Variants in STXBP5L observed in about 807,000 individuals in gnomAD.
STXBP5L encodes syntaxin binding protein 5L, also known as syntaxin-binding protein 5-like.
STXBP5L carries 65 observed loss-of-function variants against 144.5 expected under a neutral mutation model. That is an observed-to-expected ratio of 0.45 (90% CI 0.37 to 0.55). STXBP5L has a LOEUF of 0.55. Among genes scored for constraint, STXBP5L ranks in the 20% least tolerant of loss-of-function variants. STXBP5L has a pLI of 0.00. For missense variants in STXBP5L, 1,298 were observed against 1,405.5 expected, an observed-to-expected ratio of 0.92 and a Z score of 1.22; for synonymous variants, 505 against 469.6, an observed-to-expected ratio of 1.08 and a Z score of -0.97.
At chr3:121,174,990 G>T (rs569268171) in intron 9 of STXBP5L, among the ~76,000 whole-genome samples, 2 of 152,090 alleles carry the variant, frequency 1.3e-5, no homozygotes, top group Admixed American at 1.3e-4. Flanking sequence ...AGGAATATAT[G>T]CCAGGCCTGC....
chr3:121,185,401 G>A (rs945579461), intron 9 of STXBP5L, among the ~76,000 whole-genome samples: 24 of 152,094 alleles, frequency 1.6e-4, no homozygotes, highest in Admixed American at 1.0e-3. Context: ...GTATTGCCTA[G>A]GTTTTCTTCT....
chr3:121,095,984 T>C (rs1453796869), intron 5 of STXBP5L, among the ~76,000 whole-genome samples: 2 of 152,172 alleles, frequency 1.3e-5, no homozygotes, highest in African/African-American at 4.8e-5. Flanking sequence ...TCCTTTCTTT[T>C]TGTTAGTGTC....
At chr3:121,003,720 A>G (rs1014356064) in intron 3 of STXBP5L, among the ~76,000 whole-genome samples, 2 of 152,106 alleles carry the variant, frequency 1.3e-5, no homozygotes, top group Non-Finnish European at 1.5e-5. Context: ...ATCTTGAATT[A>G]ATTTTTGTAT....
In STXBP5L at chr3:120,994,586, A is replaced by G. The variant is rs575791138; in HGVS notation, c.287+39549A>G. Among the ~76,000 whole-genome samples, 6 of 152,186 alleles carry G rather than the reference A, an allele frequency of 3.9e-5. No homozygotes were observed. The East Asian group carries it at 1.2e-3, about 29-fold the overall frequency. Reference sequence around the variant, plus strand: ...CTTATTTTGTTGATGTATTTCATTTACTGCTTTGCAAATGTTGAAGTACCC... The same window carrying G: ...CTTATTTTGTTGATGTATTTCATTTGCTGCTTTGCAAATGTTGAAGTACCC... On this transcript the variant is annotated intron_variant, in intron 3 of 26. Coordinates refer to ENST00000471454, the MANE Select transcript of STXBP5L (RefSeq NM_001308330.2).
chr3:121,254,444 T>C (rs1338626094), intron 15 of STXBP5L, among the ~76,000 whole-genome samples: 2 of 152,178 alleles, frequency 1.3e-5, no homozygotes, highest in African/African-American at 4.8e-5. Flanking sequence ...TAAAAATTTG[T>C]TGAGAGTAGT....
chr3:121,158,376 G>A (rs998539747), intron 9 of STXBP5L: 3 of 152,116 alleles, frequency 2.0e-5, no homozygotes, highest in Admixed American at 6.5e-5. Context: ...GTTTCTGAGC[G>A]TTCGTTATCA....
intron 9 of STXBP5L, among the ~76,000 whole-genome samples, chr3:121,180,845 C>A (rs746615783): frequency 1.3e-5 from 2 of 151,720 alleles, no homozygotes; most frequent in Non-Finnish European, 2.9e-5. Context: ...TGCACTCCAG[C>A]CTGGACAACA....
intron 3 of STXBP5L, among the ~76,000 whole-genome samples, chr3:121,007,836 A>G (rs1944461041): frequency 6.6e-6 from 1 of 152,004 alleles, no homozygotes; most frequent in Non-Finnish European, 1.5e-5. Context: ...TCTTCTACAG[A>G]TACACATCTT....
intron 4 of STXBP5L, among the ~76,000 whole-genome samples, chr3:121,043,685 G>A (rs1947313281): frequency 6.6e-6 from 1 of 151,932 alleles, no homozygotes; most frequent in African/African-American, 2.4e-5. Flanking sequence ...CTCCAGCCTG[G>A]CAACAGAGCG....
At chr3:121,231,357 G>A (rs549742299) in intron 11 of STXBP5L, among the ~76,000 whole-genome samples, 5 of 152,232 alleles carry the variant, frequency 3.3e-5, no homozygotes, top group African/African-American at 7.2e-5. Flanking sequence ...AAGCAATCTC[G>A]ACTACTGGAG....
At chr3:121,391,911 T>C (rs571025474) in intron 22 of STXBP5L, among the ~76,000 whole-genome samples, 4 of 152,318 alleles carry the variant, frequency 2.6e-5, no homozygotes, top group South Asian at 2.1e-4. Flanking sequence ...TCAAACACCA[T>C]GCTGGGAGAA....
intron 9 of STXBP5L, among the ~76,000 whole-genome samples, chr3:121,183,613 AAAAG>A (rs2047246623): frequency 6.6e-6 from 1 of 151,726 alleles, no homozygotes; most frequent in Non-Finnish European, 1.5e-5. Flanking sequence ...AAGAGAAAGG[AAAAG>A]AAAGGAAGGG....
At chr3:121,357,903 AC>A (rs1439790368) in intron 20 of STXBP5L, 1 of 152,142 alleles carries the variant, frequency 6.6e-6, no homozygotes, top group Non-Finnish European at 1.5e-5. Context: ...TAACATCATC[AC>A]TCAAATACCT....
intron 20 of STXBP5L, among the ~76,000 whole-genome samples, chr3:121,319,231 T>A (rs2043890284): frequency 1.3e-5 from 2 of 152,126 alleles, no homozygotes; most frequent in Admixed American, 6.5e-5. Flanking sequence ...AACACCAAAA[T>A]CATTAGGTAT....
At chr3:121,073,377 C>A (rs934689849) in intron 5 of STXBP5L, among the ~76,000 whole-genome samples, 1 of 152,192 alleles carries the variant, frequency 6.6e-6, no homozygotes, top group Non-Finnish European at 1.5e-5. Context: ...CAGGGTGACA[C>A]GACCATGTGG....
At chr3:120,933,756 G>C (rs1710095276) in intron 2 of STXBP5L, among the ~76,000 whole-genome samples, 1 of 152,174 alleles carries the variant, frequency 6.6e-6, no homozygotes. Context: ...AGAGGAAAGA[G>C]TGATATGGGA....
At chr3:121,307,300 A>C (rs1347693015) in intron 19 of STXBP5L, among the ~76,000 whole-genome samples, 1 of 152,160 alleles carries the variant, frequency 6.6e-6, no homozygotes, top group Non-Finnish European at 1.5e-5. Flanking sequence ...TTCACAGGGA[A>C]AAAAAGCAAC....
chr3:121,012,457 T>C (rs1011538527), intron 3 of STXBP5L, among the ~76,000 whole-genome samples: 17 of 151,864 alleles, frequency 1.1e-4, no homozygotes, highest in African/African-American at 4.1e-4. Flanking sequence ...TAAATTTCTT[T>C]ATATCTTCCA....
chr3:121,170,339 T>A (rs1386133998), intron 9 of STXBP5L, among the ~76,000 whole-genome samples: 1 of 151,432 alleles, frequency 6.6e-6, no homozygotes, highest in East Asian at 1.9e-4. Context: ...AAGAAATAAC[T>A]AAGATCAGAG....
Sources: gnomAD v4.1 joint callset for allele counts (sites outside exome capture counted in the v4.1 genomes callset) on GRCh38, gnomAD v4.1.1 for gene constraint, MANE v1.5 for transcripts, NCBI Gene and HGNC (gene_info 2026-07-23, HGNC 2026-07-21) for gene names.